GOLGA1: variants seen among roughly 807,000 people sequenced by gnomAD.
GOLGA1 encodes the protein golgin A1.
In GOLGA1, 63 loss-of-function variants were observed where a neutral mutation model predicts 119.7. The ratio of observed to expected loss-of-function variants is 0.53; its 90% CI spans 0.43 to 0.65. The LOEUF (loss-of-function observed/expected upper bound fraction) is 0.65. Among genes scored for constraint, GOLGA1 ranks in the 30% least tolerant of loss-of-function variants. The pLI, the probability that GOLGA1 is intolerant of heterozygous loss-of-function variation, is 0.00. For synonymous variants in GOLGA1, 318 were observed against 333.4 expected (o/e 0.95, Z 0.50); for missense variants, 798 against 912.8 (o/e 0.87, Z 1.62).
In GOLGA1 at chr9:124,878,467, A is replaced by T. The variant is rs1475574011; in HGVS notation, c.*2063T>A. On this transcript the variant is annotated 3_prime_UTR_variant, in exon 23 of 23. Coordinates refer to ENST00000373555, the MANE Select transcript of GOLGA1 (RefSeq NM_002077.4). ...ATACAATCCCTATTTACAACATGGA[A>T]GGAGAGCTCAAGATCCATCGCTCGT... The T allele has an allele frequency of 6.6e-6, 1 of 152,640 alleles. No homozygotes were observed. The highest frequency in any genetic ancestry group is 1.5e-5 in the Non-Finnish European group (1 of 68,042). 9.5% of individuals were successfully genotyped at this position (152,640 alleles called of 1,614,324 possible). A position where few individuals can be genotyped will look rare whatever the true frequency, so the allele number is the denominator to read the frequency against.
upstream of GOLGA1, chr9:124,944,874 GAA>G (rs1320939836): frequency 1.3e-5 from 2 of 152,110 alleles, no homozygotes; most frequent in African/African-American, 4.8e-5. Flanking sequence ...CTTCAGAAGA[GAA>G]AAGAAAATCA....
intron 19 of GOLGA1, among the ~76,000 whole-genome samples, chr9:124,886,410 AG>A (rs34714590): frequency 0.03 from 4,545 of 152,296 alleles, 208 homozygotes; most frequent in East Asian, 0.23. Flanking sequence ...GGCTGCCAAC[AG>A]GCCAATCAGA....
intron 10 of GOLGA1, among the ~76,000 whole-genome samples, chr9:124,913,245 T>A (rs1321804700): frequency 6.6e-6 from 1 of 152,144 alleles, no homozygotes; most frequent in East Asian, 1.9e-4. Flanking sequence ...CCTTGACATG[T>A]GGGCATTACA....
chr9:124,882,230 T>C (rs1829603847), intron 20 of GOLGA1, among the ~76,000 whole-genome samples: 1 of 152,142 alleles, frequency 6.6e-6, no homozygotes, highest in African/African-American at 2.4e-5. Context: ...ACACACACTG[T>C]TAGAGCATCA....
intron 15 of GOLGA1, among the ~76,000 whole-genome samples, chr9:124,893,514 T>C (rs996903954): frequency 8.5e-5 from 13 of 152,198 alleles, no homozygotes; most frequent in Non-Finnish European, 1.8e-4. Flanking sequence ...TGGGATCATT[T>C]TAATCCAAAA....
chr9:124,930,902 G>A (rs1302300720), intron 4 of GOLGA1, among the ~76,000 whole-genome samples: 2 of 152,186 alleles, frequency 1.3e-5, no homozygotes, highest in Non-Finnish European at 2.9e-5. Context: ...CACTTACACA[G>A]GTGGTATGAG....
chr9:124,889,754 C>G (rs1217434446), intron 16 of GOLGA1, among the ~76,000 whole-genome samples: 2 of 152,172 alleles, frequency 1.3e-5, no homozygotes, highest in African/African-American at 2.4e-5. Context: ...CCCACTGCCC[C>G]CTGGCCAACA....
At position 124,882,502 on chromosome 9, in the gene GOLGA1, G is replaced by C. The variant is rs1017676950; in HGVS notation, c.1965+8C>G. 6.2e-7 allele frequency: 1 copy of C among 1,605,778 alleles called. No homozygotes were observed. The highest frequency in any genetic ancestry group is 2.2e-5 in the East Asian group (1 of 44,842). On this transcript the variant is annotated splice_region_variant and intron_variant, in intron 20 of 22. Coordinates refer to ENST00000373555, the MANE Select transcript of GOLGA1 (RefSeq NM_002077.4). ...GGAAGTGGGGCCAGCTCCCATGCGA[G>C]TACTCACCAGCTCCTTCTGCAGAGT... is the stretch of plus-strand genomic sequence containing the variant.
At chr9:124,885,194 G>A (rs1328781080) in intron 19 of GOLGA1, among the ~76,000 whole-genome samples, 2 of 152,172 alleles carry the variant, frequency 1.3e-5, no homozygotes, top group Non-Finnish European at 2.9e-5. Context: ...GGGCGTGGTA[G>A]CGCGCCTGTA....
chr9:124,921,620 G>A (rs113214515), intron 9 of GOLGA1, 103 bp downstream of exon 9: 39 of 922,624 alleles, frequency 4.2e-5, no homozygotes, highest in Middle Eastern at 3.0e-4. Flanking sequence ...TGCCAGCACC[G>A]GAATCAGAAA....
intron 3 of GOLGA1, among the ~76,000 whole-genome samples, chr9:124,932,938 C>T (rs886444172): frequency 1.1e-4 from 16 of 152,208 alleles, no homozygotes; most frequent in Admixed American, 5.9e-4. Context: ...ATCTCGGAGA[C>T]GATTCACCTC....
In GOLGA1 at chr9:124,889,168, T is replaced by G. The variant is rs765939886; in HGVS notation, c.1736A>C (p.Glu579Ala). Residue 579 changes from glutamate (E) to alanine (A), a missense_variant, in exon 18 of 23, where the codon GAA (glutamate) becomes GCA (alanine). By Grantham distance (107) the Glu-to-Ala change is moderately radical. Coordinates refer to ENST00000373555, the MANE Select transcript of GOLGA1 (RefSeq NM_002077.4). ...GTGCGACTCATTGACTGAGAGTGCTTCGGCCTGCAATGGGCCCCGCAGCCT... is the reference window on the plus strand; with the variant it reads ...GTGCGACTCATTGACTGAGAGTGCTGCGGCCTGCAATGGGCCCCGCAGCCT... Reference protein sequence around the residue: ...LLRLRGPLQAEALSVNESHVT... With the variant: ...LLRLRGPLQAAALSVNESHVT... The G allele has an allele frequency of 5.0e-6, 8 of 1,611,706 alleles. No homozygotes were observed. In the South Asian group the frequency reaches 8.8e-5, roughly 18 times the overall value.
chr9:124,893,307 C>T (rs1256591139), intron 15 of GOLGA1, among the ~76,000 whole-genome samples: 1 of 152,168 alleles, frequency 6.6e-6, no homozygotes, highest in Admixed American at 6.5e-5. Context: ...TTTAAAACTG[C>T]TGTCTTTTAT....
intron 3 of GOLGA1, among the ~76,000 whole-genome samples, chr9:124,937,892 G>C (rs568408949): frequency 1.3e-5 from 2 of 151,934 alleles, no homozygotes; most frequent in South Asian, 4.2e-4. Context: ...AGACCACCCT[G>C]GGCAACATGG....
rs533601521 is a variant in GOLGA1, at chr9:124,918,581, T to C, written c.843+2548A>G. Reference sequence around the variant, plus strand: ...GAGTTCAAGACCAGCCTGGCCAACATGGTGAAATCCTGTCTCTACTAAAAA... The same window carrying C: ...GAGTTCAAGACCAGCCTGGCCAACACGGTGAAATCCTGTCTCTACTAAAAA... On this transcript the variant is annotated intron_variant, in intron 10 of 22. Transcript: ENST00000373555. 2.9e-4 allele frequency among the ~76,000 whole-genome samples: 44 copies of C among 152,104 alleles called. 1 individual carries two copies. The South Asian group carries it at 9.1e-3, about 32-fold the overall frequency.
chr9:124,886,301 G>A (rs761837915), intron 19 of GOLGA1, among the ~76,000 whole-genome samples: 15 of 152,190 alleles, frequency 9.9e-5, no homozygotes, highest in African/African-American at 9.7e-5. Flanking sequence ...CCTTGTGCAC[G>A]GCGGGTGGCA....
intron 3 of GOLGA1, among the ~76,000 whole-genome samples, chr9:124,936,457 T>C (rs1830872326): frequency 6.6e-6 from 1 of 152,084 alleles, no homozygotes; most frequent in East Asian, 1.9e-4. Context: ...AAAAAATCTT[T>C]AGAGACAGAG....
intron 8 of GOLGA1, among the ~76,000 whole-genome samples, 168 bp from the exon 9 acceptor site, chr9:124,922,060 T>G (rs1830580831): frequency 6.6e-6 from 1 of 151,706 alleles, no homozygotes; most frequent in Non-Finnish European, 1.5e-5. Flanking sequence ...AAACCCTATC[T>G]CTACTAAAAA....
At chr9:124,916,152 TAA>T (rs916127257) in intron 10 of GOLGA1, among the ~76,000 whole-genome samples, 4 of 140,228 alleles carry the variant, frequency 2.9e-5, no homozygotes, top group Non-Finnish European at 3.1e-5. Context: ...CTTATTTAAG[TAA>T]AAAAAAAAAA....
Sources: allele counts gnomAD v4.1 joint callset (sites outside exome capture counted in the v4.1 genomes callset), GRCh38; gene constraint gnomAD v4.1.1; transcripts MANE v1.5; gene names NCBI Gene and HGNC (gene_info 2026-07-23, HGNC 2026-07-21).